MRE11: variants seen among roughly 807,000 people sequenced by gnomAD.
MRE11 encodes the protein MRE11 double strand break repair nuclease, also known as double-strand break repair protein MRE11.
A neutral mutation model predicts 91.7 loss-of-function variants in MRE11; 62 were observed. The observed-to-expected ratio is 0.68, with a 90% CI of 0.55 to 0.84. The LOEUF (loss-of-function observed/expected upper bound fraction) is 0.84, where lower values mean the gene tolerates loss of function less well. MRE11 is among the 40% of genes least tolerant of loss of function. The probability of loss-of-function intolerance (pLI) is 0.00; values close to 1 mark genes in which losing one functional copy is unlikely to be tolerated. For missense variants in MRE11, 796 were observed against 852.9 expected, an observed-to-expected ratio of 0.93 and a Z score of 0.83; for synonymous variants, 273 against 271.4, an observed-to-expected ratio of 1.01 and a Z score of -0.06.
At chr11:94,504,220 T>C in the MRE11 span, among the ~76,000 whole-genome samples, 8 of 152,104 alleles carry the variant, frequency 5.3e-5, no homozygotes, top group African/African-American at 1.9e-4. Context: ...TTTTAAAGAG[T>C]AATGCAGGGT....
At chr11:94,454,260 G>A (rs535070748) in intron 14 of MRE11, among the ~76,000 whole-genome samples, 4 of 151,560 alleles carry the variant, frequency 2.6e-5, no homozygotes, top group African/African-American at 9.7e-5. Flanking sequence ...TTTTTGTAGA[G>A]ATGGGGTTTT....
At chr11:94,437,307 AG>A in intron 16 of MRE11, 72 bp from the exon 17 acceptor site, 1 of 1,449,118 alleles carries the variant, frequency 6.9e-7, no homozygotes, top group Non-Finnish European at 9.5e-7. Context: ...ATACTTCTTT[AG>A]CTAAAGATTT....
At chr11:94,449,491 A>T (rs2134924438) in intron 14 of MRE11, among the ~76,000 whole-genome samples, 1 of 152,334 alleles carries the variant, frequency 6.6e-6, no homozygotes, top group African/African-American at 2.4e-5. Flanking sequence ...GGAGACGCAG[A>T]GTGGTAAATA....
In MRE11 at chr11:94,418,530, C is replaced by G. The variant is rs1234233416; in HGVS notation, c.*1595G>C. 4.3e-6 allele frequency: 1 copy of G among 232,812 alleles called. No individual in the cohort carries two copies. The highest frequency in any genetic ancestry group is 6.0e-5 in the East Asian group (1 of 16,534). The allele number at this position is 232,812 out of a possible 1,614,324, so 14.4% of individuals were successfully genotyped here. On this transcript the variant is annotated 3_prime_UTR_variant, in exon 20 of 20. Transcript: ENST00000323929. ...CCACTAGCTGATGTGGCCCACAGCTCAGACTGAGCCAGCATGGCTTGTGCA... is the reference window on the plus strand; with the variant it reads ...CCACTAGCTGATGTGGCCCACAGCTGAGACTGAGCCAGCATGGCTTGTGCA...
At position 94,437,181 on chromosome 11, in the gene MRE11, G is replaced by A; in HGVS notation, c.1922C>T (p.Ser641Leu). Residue 641 changes from serine (S) to leucine (L), a missense_variant, in exon 17 of 20, where the codon TCA (serine) becomes TTA (leucine). Coordinates refer to ENST00000323929, the MANE Select transcript of MRE11 (RefSeq NM_005591.4). ...CCATAAAACTTTTTTTCTTACCTCT[G>A]AATAATTCTTAGTAGTGACATTTCG... is the stretch of plus-strand genomic sequence containing the variant. ...PSRNVTTKNY[S>L]EVIEVDESDV... The A allele has an allele frequency of 1.2e-6, 2 of 1,611,714 alleles. No homozygotes were observed. Among genetic ancestry groups the A allele is most frequent in the Non-Finnish European group, 1.7e-6 (2 of 1,178,766 alleles).
intron 18 of MRE11, among the ~76,000 whole-genome samples, chr11:94,434,620 C>G (rs1171901466): frequency 6.6e-6 from 1 of 152,070 alleles, no homozygotes; most frequent in Non-Finnish European, 1.5e-5. Context: ...CGTTTTCCAC[C>G]CTACTAAGCC....
intron 8 of MRE11, among the ~76,000 whole-genome samples, chr11:94,470,956 T>A (rs963982276): frequency 1.3e-5 from 2 of 151,976 alleles, no homozygotes; most frequent in African/African-American, 4.8e-5. Context: ...TAGTATTACA[T>A]CTATATACCT....
rs1363028807 is a variant in MRE11, at chr11:94,429,868, A to C, written c.2070+43T>G. ...CTGGCAGTCTCTATTTAAATTTTAT[A>C]AAGTTAAAAATTAATTAAAATTTAA... On this transcript the variant is annotated intron_variant, in intron 19 of 19. Coordinates refer to ENST00000323929, the MANE Select transcript of MRE11 (RefSeq NM_005591.4). 3 of 1,502,242 alleles carry C rather than the reference A, an allele frequency of 2.0e-6. No individual in the cohort carries two copies. In the East Asian group the frequency reaches 7.4e-5, roughly 37 times the overall value. The allele number at this position is 1,502,242 out of a possible 1,614,324, so 93.1% of individuals were successfully genotyped here. A position where few individuals can be genotyped will look rare whatever the true frequency, so the allele number is the denominator to read the frequency against.
At position 94,419,860 on chromosome 11, in the gene MRE11, GT is replaced by G; in HGVS notation, c.*264del. The G allele has an allele frequency of 3.5e-6, 1 of 287,994 alleles. No individual in the cohort carries two copies. The highest frequency in any genetic ancestry group is 6.6e-6 in the Non-Finnish European group (1 of 152,640). 17.8% of individuals were successfully genotyped at this position (287,994 alleles called of 1,614,324 possible). On this transcript the variant is annotated 3_prime_UTR_variant, in exon 20 of 20. Transcript: ENST00000323929. The stretch of plus-strand genomic sequence containing the variant: ...GTAACCATATTAAAATACTGACATA[GT>G]TTTTCATTATGAAATAGAAATGTAA...
intron 7 of MRE11, 92 bp downstream of exon 7, chr11:94,476,197 G>A: frequency 1.3e-6 from 1 of 780,410 alleles, no homozygotes; most frequent in Non-Finnish European, 2.3e-6. Flanking sequence ...AACCTTGAAA[G>A]ATTAAGGGCA....
At chr11:94,503,337 C>T in the MRE11 span, among the ~76,000 whole-genome samples, 2 of 152,088 alleles carry the variant, frequency 1.3e-5, no homozygotes, top group Admixed American at 1.3e-4. Flanking sequence ...GAGAGAATTG[C>T]ATTTTATGGC....
At chr11:94,437,746 C>T (rs542357499) in intron 16 of MRE11, among the ~76,000 whole-genome samples, 1 of 152,252 alleles carries the variant, frequency 6.6e-6, no homozygotes, top group South Asian at 2.1e-4. Flanking sequence ...CCTTTGTATC[C>T]ATACCTTTTT....
rs1338235444 is a variant in MRE11 at position 94,418,724 on chromosome 11, C to G, written c.*1401G>C. 3.0e-5 allele frequency: 7 copies of G among 232,294 alleles called. No individual in the cohort carries two copies. Among genetic ancestry groups the G allele is most frequent in the Non-Finnish European group, 6.0e-5 (7 of 117,468 alleles). 14.4% of individuals were successfully genotyped at this position (232,294 alleles called of 1,614,324 possible). A position where few individuals can be genotyped will look rare whatever the true frequency, so the allele number is the denominator to read the frequency against. On this transcript the variant is annotated 3_prime_UTR_variant, in exon 20 of 20. Coordinates refer to ENST00000323929, the MANE Select transcript of MRE11 (RefSeq NM_005591.4). The stretch of plus-strand genomic sequence containing the variant: ...GGCAGATCTGCCTAAGAATATTTCA[C>G]AGGACAATGCCTTCCACTGAGTTAA...
chr11:94,504,563 G>A, the MRE11 span, among the ~76,000 whole-genome samples: 4 of 152,328 alleles, frequency 2.6e-5, no homozygotes, highest in Admixed American at 1.3e-4. Context: ...TACTATATAA[G>A]AAGGATTTGG....
At chr11:94,505,766 C>T in the MRE11 span, among the ~76,000 whole-genome samples, 1 of 152,202 alleles carries the variant, frequency 6.6e-6, no homozygotes, top group Non-Finnish European at 1.5e-5. Context: ...TCACTCAGAG[C>T]AACACCAAGT....
At position 94,441,977 on chromosome 11, in the gene MRE11, C is replaced by CAAAAAAA. The variant is rs35673778; in HGVS notation, c.1867+3826_1867+3832dup. On this transcript the variant is annotated intron_variant, in intron 16 of 19. Coordinates refer to ENST00000323929, the MANE Select transcript of MRE11 (RefSeq NM_005591.4). ...TAGGCGACAGAGAGAGACTCTGTCTCAAAAAAAAAAAAAAAAAAAAAAAGT... is the reference window on the plus strand; with the variant it reads ...TAGGCGACAGAGAGAGACTCTGTCTCAAAAAAAAAAAAAAAAAAAAAAAAAAAAAAGT... 1.7e-3 allele frequency among the ~76,000 whole-genome samples: 81 copies of CAAAAAAA among 48,186 alleles called. 1 individual carries two copies. Among genetic ancestry groups the CAAAAAAA allele is most frequent in the African/African-American group, 5.9e-3 (76 of 12,906 alleles). 31.6% of individuals were successfully genotyped at this position (48,186 alleles called of 152,430 possible).
chr11:94,498,037 G>A (rs774433026), upstream of MRE11: 11 of 1,495,078 alleles, frequency 7.4e-6, no homozygotes, highest in Non-Finnish European at 8.1e-6. Flanking sequence ...TTTGGTTTGA[G>A]TTGAGTTGAA....
intron 1 of MRE11, 58 bp from the exon 2 acceptor site, chr11:94,492,964 A>G: frequency 1.5e-6 from 1 of 675,936 alleles, no homozygotes; most frequent in Non-Finnish European, 2.6e-6. Context: ...GTATTTAACC[A>G]ACATGATTTA....
rs777751367 is a variant in MRE11, at chr11:94,492,796, A to T, written c.6T>A (p.Ser2Arg). 6.2e-7 allele frequency: 1 copy of T among 1,613,840 alleles called. No homozygotes were observed. The change falls in exon 2 of 20, where the codon AGT becomes AGA. Residue 2 changes from serine (S) to arginine (R), a missense_variant. Ser to Arg is a moderately radical substitution (Grantham distance 110, BLOSUM62 -1). Coordinates refer to ENST00000323929, the MANE Select transcript of MRE11 (RefSeq NM_005591.4). Reference sequence around the variant, plus strand: ...CAGGTGCTTACAGTGCATCTGCAGTACTCATTTTTATGGTCAGTCAAGCTC... The same window carrying T: ...CAGGTGCTTACAGTGCATCTGCAGTTCTCATTTTTATGGTCAGTCAAGCTC... M[S>R]TADALDDENT...
Sources: gnomAD v4.1 joint callset for allele counts (sites outside exome capture counted in the v4.1 genomes callset) on GRCh38, gnomAD v4.1.1 for gene constraint, MANE v1.5 for transcripts, NCBI Gene and HGNC (gene_info 2026-07-23, HGNC 2026-07-21) for gene names.